The following GNG12 variants were observed in gnomAD, a reference collection of about 807,000 sequenced individuals.
GNG12 encodes G protein subunit gamma 12.
For missense variants in GNG12, 69 were observed against 83.8 expected, an observed-to-expected ratio of 0.82 and a Z score of 0.69; for synonymous variants, 28 against 29.7, an observed-to-expected ratio of 0.94 and a Z score of 0.19.
intron 1 of GNG12, among the ~76,000 whole-genome samples, chr1:67,782,895 T>C (rs1484421697): frequency 2.0e-5 from 3 of 152,156 alleles, no homozygotes; most frequent in Non-Finnish European, 2.9e-5. Flanking sequence ...GAAACATGTG[T>C]TTTTATGTTA....
At chr1:67,785,012 T>A (rs1206604241) in intron 1 of GNG12, among the ~76,000 whole-genome samples, 3 of 152,208 alleles carry the variant, frequency 2.0e-5, no homozygotes, top group African/African-American at 7.2e-5. Context: ...CACTGAATCC[T>A]GCAGCTGGCC....
chr1:67,757,674 C>T (rs557496171), intron 2 of GNG12, among the ~76,000 whole-genome samples: 36 of 152,258 alleles, frequency 2.4e-4, no homozygotes, highest in African/African-American at 8.4e-4. Flanking sequence ...TGTTGCCTTC[C>T]CTCCAGAAGC....
chr1:67,746,786 G>C (rs1474832498), intron 2 of GNG12, among the ~76,000 whole-genome samples: 2 of 152,188 alleles, frequency 1.3e-5, no homozygotes, highest in African/African-American at 4.8e-5. Flanking sequence ...TGATTCCAAA[G>C]TTCTAAAACA....
At chr1:67,785,587 G>A (rs889433327) in intron 1 of GNG12, among the ~76,000 whole-genome samples, 4 of 152,072 alleles carry the variant, frequency 2.6e-5, no homozygotes, top group African/African-American at 4.8e-5. Flanking sequence ...AGGAGCACTC[G>A]TTCGATGTTT....
At chr1:67,711,747 T>C (rs1222338888) in intron 2 of GNG12, among the ~76,000 whole-genome samples, 1 of 152,174 alleles carries the variant, frequency 6.6e-6, no homozygotes, top group African/African-American at 2.4e-5. Context: ...TCTGCCTACA[T>C]CTGCTGTTCC....
intron 2 of GNG12, among the ~76,000 whole-genome samples, chr1:67,747,610 A>G (rs1193863008): frequency 6.6e-6 from 1 of 152,256 alleles, no homozygotes; most frequent in Non-Finnish European, 1.5e-5. Flanking sequence ...CTTTCACTTA[A>G]TGAGAGTGAG....
chr1:67,768,461 T>C (rs1168540930), intron 2 of GNG12, among the ~76,000 whole-genome samples: 3 of 151,742 alleles, frequency 2.0e-5, no homozygotes, highest in Non-Finnish European at 4.4e-5. Flanking sequence ...AATTCCTATT[T>C]GATTAAAAAA....
chr1:67,705,680 C>A, intron 3 of GNG12, 104 bp from the exon 4 acceptor site: 1 of 1,412,610 alleles, frequency 7.1e-7, no homozygotes, highest in Non-Finnish European at 9.3e-7. Context: ...CTGATTTGAA[C>A]AAGATAATCA....
chr1:67,727,774 C>T (rs536913479), intron 2 of GNG12, among the ~76,000 whole-genome samples: 2 of 152,346 alleles, frequency 1.3e-5, no homozygotes, highest in East Asian at 3.9e-4. Context: ...CTTTCTCATA[C>T]CATCTATATT....
In GNG12 at chr1:67,759,818, G is replaced by A. The variant is rs1423925157; in HGVS notation, c.-27+17640C>T. 2.6e-5 allele frequency among the ~76,000 whole-genome samples: 4 copies of A among 152,196 alleles called. No homozygotes were observed. In the East Asian group the frequency reaches 7.7e-4, roughly 29 times the overall value. On this transcript the variant is annotated intron_variant, in intron 2 of 3. Transcript: ENST00000370982. ...ATGCTCACTCACTTCCCTCCACTCTGGGTCCCAGTCATGTATAAAACACTC... is the reference window on the plus strand; with the variant it reads ...ATGCTCACTCACTTCCCTCCACTCTAGGTCCCAGTCATGTATAAAACACTC...
At chr1:67,826,597 T>C (rs780668075) in intron 1 of GNG12, among the ~76,000 whole-genome samples, 32 of 152,166 alleles carry the variant, frequency 2.1e-4, no homozygotes, top group Admixed American at 3.9e-4. Flanking sequence ...ATTTCATTAG[T>C]CTAGGCACAG....
At chr1:67,754,532 C>T (rs61013039) in intron 2 of GNG12, among the ~76,000 whole-genome samples, 1 of 152,138 alleles carries the variant, frequency 6.6e-6, no homozygotes, top group African/African-American at 2.4e-5. Flanking sequence ...GCAGCTGGCC[C>T]CTGGATCACT....
chr1:67,743,119 T>C (rs911061509), intron 2 of GNG12, among the ~76,000 whole-genome samples: 6 of 152,206 alleles, frequency 3.9e-5, no homozygotes, highest in Non-Finnish European at 8.8e-5. Context: ...TCAGTTACAC[T>C]GGGTTCACTA....
chr1:67,786,712 A>G (rs567087798), intron 1 of GNG12, among the ~76,000 whole-genome samples: 1 of 152,184 alleles, frequency 6.6e-6, no homozygotes, highest in South Asian at 2.1e-4. Flanking sequence ...ACTTGAGGTC[A>G]GGGGTTCGAG....
At chr1:67,799,942 T>C (rs1646854611) in intron 1 of GNG12, among the ~76,000 whole-genome samples, 1 of 152,214 alleles carries the variant, frequency 6.6e-6, no homozygotes, top group African/African-American at 2.4e-5. Flanking sequence ...TTTTGTAGTT[T>C]TAGTGTATGA....
intron 2 of GNG12, among the ~76,000 whole-genome samples, chr1:67,735,401 C>G (rs1476533161): frequency 6.6e-6 from 1 of 152,154 alleles, no homozygotes; most frequent in Non-Finnish European, 1.5e-5. Context: ...GCTGATCACA[C>G]TTTGAGTGAA....
chr1:67,726,013 T>C (rs1012331694), intron 2 of GNG12, among the ~76,000 whole-genome samples: 1 of 152,182 alleles, frequency 6.6e-6, no homozygotes, highest in Admixed American at 6.5e-5. Context: ...CTCACTCAAA[T>C]TTAAGAATAT....
At chr1:67,735,998 AC>A (rs1407068795) in intron 2 of GNG12, among the ~76,000 whole-genome samples, 1 of 151,932 alleles carries the variant, frequency 6.6e-6, no homozygotes, top group Non-Finnish European at 1.5e-5. Flanking sequence ...CCAGGTGCTG[AC>A]CCCCTCTGCA....
intron 2 of GNG12, among the ~76,000 whole-genome samples, chr1:67,732,985 T>C (rs1332470239): frequency 6.6e-6 from 1 of 152,194 alleles, no homozygotes; most frequent in Non-Finnish European, 1.5e-5. Context: ...GCAGCTGGTG[T>C]GGCTTACCCG....
Sources: gnomAD v4.1 joint callset for allele counts (sites outside exome capture counted in the v4.1 genomes callset) on GRCh38, gnomAD v4.1.1 for gene constraint, MANE v1.5 for transcripts, NCBI Gene and HGNC (gene_info 2026-07-23, HGNC 2026-07-21) for gene names.